SH3D19: variants seen among roughly 807,000 people sequenced by gnomAD.
SH3D19 encodes SH3 domain-containing protein 19.
A neutral mutation model predicts 112.1 loss-of-function variants in SH3D19; 58 were observed. That is an observed-to-expected ratio of 0.52 (90% CI 0.42 to 0.64). The LOEUF is 0.64. Among genes scored for constraint, SH3D19 ranks in the 30% least tolerant of loss-of-function variants. The pLI, the probability that SH3D19 is intolerant of heterozygous loss-of-function variation, is 0.00. For missense variants in SH3D19, 1,090 were observed against 1,263.4 expected (o/e 0.86, Z 2.08); for synonymous variants, 391 against 448.5 (o/e 0.87, Z 1.62).
intron 1 of SH3D19, among the ~76,000 whole-genome samples, chr4:151,229,141 G>T (rs886174159): frequency 2.6e-5 from 4 of 151,686 alleles, no homozygotes; most frequent in African/African-American, 9.7e-5. Flanking sequence ...CAAAGTGTTG[G>T]GATTGCAGGC....
chr4:151,235,627 A>T (rs1487592498), intron 1 of SH3D19, among the ~76,000 whole-genome samples: 7 of 152,054 alleles, frequency 4.6e-5, no homozygotes, highest in African/African-American at 7.2e-5. Flanking sequence ...CTGTACTAAA[A>T]ATACAAAAAT....
intron 1 of SH3D19, among the ~76,000 whole-genome samples, chr4:151,280,391 CA>C (rs1375177283): frequency 1.3e-5 from 2 of 152,130 alleles, no homozygotes; most frequent in Non-Finnish European, 2.9e-5. Context: ...AGATCCTCCC[CA>C]GTAAGATGAC....
Position 151,308,912 on chromosome 4 carries a change from G to A in SH3D19, c.112+16329C>T, listed in dbSNP as rs117943817. On this transcript the variant is annotated intron_variant, in intron 1 of 19. Transcript: ENST00000604030. ...TAGACGTCTTGCTCTGTCACCCACC[G>A]GGACTAGAGTGCGGTGGCGCAATCT... Among the ~76,000 whole-genome samples, 15 of 151,698 alleles carry A rather than the reference G, an allele frequency of 9.9e-5. No individual in the cohort carries two copies. In the East Asian group the frequency reaches 1.5e-3, roughly 16 times the overall value.
chr4:151,151,650 T>C (rs1436546235), intron 9 of SH3D19, among the ~76,000 whole-genome samples: 1 of 152,222 alleles, frequency 6.6e-6, no homozygotes, highest in African/African-American at 2.4e-5. Flanking sequence ...GTTTCACTAA[T>C]GAGTTCAGTT....
At chr4:151,306,228 T>A (rs1728900357) in intron 1 of SH3D19, among the ~76,000 whole-genome samples, 1 of 152,182 alleles carries the variant, frequency 6.6e-6, no homozygotes, top group African/African-American at 2.4e-5. Context: ...ACTACATGTG[T>A]AATAAAATTC....
At position 151,165,616 on chromosome 4, in the gene SH3D19, T is replaced by C. The variant is rs778104406; in HGVS notation, c.1615A>G (p.Ile539Val). ...QPAPTRKPTVIRIPAKPGKCL... is the reference protein window; with the variant it reads ...QPAPTRKPTVVRIPAKPGKCL... Reference sequence around the variant, plus strand: ...TTTCCTGGTTTGGCTGGAATTCGAATTACAGTGGGCTTCCTGGTGGGTGCT... The same window carrying C: ...TTTCCTGGTTTGGCTGGAATTCGAACTACAGTGGGCTTCCTGGTGGGTGCT... Residue 539 changes from isoleucine to valine, a missense_variant, in exon 8 of 20, where the codon ATT becomes GTT. By Grantham distance (29) the Ile-to-Val change is conservative. Coordinates refer to ENST00000604030, the MANE Select transcript of SH3D19 (RefSeq NM_001378122.1). The C allele has an allele frequency of 6.2e-7, 1 of 1,614,086 alleles. No homozygotes were observed. Among genetic ancestry groups the C allele is most frequent in the Non-Finnish European group, 8.5e-7 (1 of 1,179,962 alleles).
intron 2 of SH3D19, among the ~76,000 whole-genome samples, chr4:151,191,603 T>G (rs1030921296): frequency 6.6e-6 from 1 of 152,130 alleles, no homozygotes; most frequent in Non-Finnish European, 1.5e-5. Context: ...AAGCATGATA[T>G]ACCCACTGGG....
intron 1 of SH3D19, among the ~76,000 whole-genome samples, chr4:151,229,939 C>A (rs1434105791): frequency 6.6e-6 from 1 of 152,038 alleles, no homozygotes. Flanking sequence ...AAACAAAAAA[C>A]AAGGCAGAGC....
chr4:151,152,127 A>G (rs1437638330), intron 9 of SH3D19, among the ~76,000 whole-genome samples: 1 of 152,246 alleles, frequency 6.6e-6, no homozygotes, highest in Non-Finnish European at 1.5e-5. Context: ...TGTTAGGCAC[A>G]TTCTGAAAGG....
intron 7 of SH3D19, among the ~76,000 whole-genome samples, chr4:151,167,893 T>C (rs1758370438): frequency 6.6e-6 from 1 of 151,940 alleles, no homozygotes; most frequent in South Asian, 2.1e-4. Flanking sequence ...CTGCCCCGTC[T>C]GGGAAGTGAG....
At chr4:151,247,620 C>G (rs895741018) in intron 1 of SH3D19, among the ~76,000 whole-genome samples, 2 of 152,012 alleles carry the variant, frequency 1.3e-5, no homozygotes, top group African/African-American at 4.8e-5. Flanking sequence ...TAGAACATTC[C>G]CATCACTCTA....
At chr4:151,308,291 G>A (rs1045881052) in intron 1 of SH3D19, among the ~76,000 whole-genome samples, 2 of 152,224 alleles carry the variant, frequency 1.3e-5, no homozygotes, top group African/African-American at 4.8e-5. Context: ...TGAGTTATGA[G>A]GGATATGAAC....
At chr4:151,303,432 A>T (rs1369710478) in intron 1 of SH3D19, among the ~76,000 whole-genome samples, 1 of 152,128 alleles carries the variant, frequency 6.6e-6, no homozygotes, top group Non-Finnish European at 1.5e-5. Flanking sequence ...AAATACCATA[A>T]TATGAGCAAG....
chr4:151,224,047 C>A (rs573872241), intron 2 of SH3D19, among the ~76,000 whole-genome samples: 7 of 152,122 alleles, frequency 4.6e-5, no homozygotes, highest in African/African-American at 1.7e-4. Flanking sequence ...CGGTGGCTCA[C>A]GCCTGTAATC....
chr4:151,197,580 C>T (rs760434190), intron 2 of SH3D19, among the ~76,000 whole-genome samples: 1 of 152,160 alleles, frequency 6.6e-6, no homozygotes, highest in Non-Finnish European at 1.5e-5. Flanking sequence ...TATTTTCAAA[C>T]GAGAGCATAT....
At chr4:151,269,714 C>T (rs1773096692) in intron 1 of SH3D19, among the ~76,000 whole-genome samples, 1 of 152,026 alleles carries the variant, frequency 6.6e-6, no homozygotes, top group Non-Finnish European at 1.5e-5. Context: ...CCTAATAACA[C>T]TTAGCTTAAA....
intron 1 of SH3D19, chr4:151,277,296 T>C: frequency 8.2e-7 from 1 of 1,222,532 alleles, no homozygotes; most frequent in Non-Finnish European, 1.1e-6. Context: ...CATAGAACAA[T>C]GTGACACTTC....
Position 151,127,731 on chromosome 4 carries a change from A to C in SH3D19, c.2930-16T>G, listed in dbSNP as rs767413961. ...TTTGCCTCAGCTGTGAAGACATAAAAAATTTAAATATATAGAAACACAGTG... is the reference window on the plus strand; with the variant it reads ...TTTGCCTCAGCTGTGAAGACATAAACAATTTAAATATATAGAAACACAGTG... On this transcript the variant is annotated splice_polypyrimidine_tract_variant and intron_variant, in intron 18 of 19. Coordinates refer to ENST00000604030, the MANE Select transcript of SH3D19 (RefSeq NM_001378122.1). 1.6e-4 allele frequency: 237 copies of C among 1,493,452 alleles called. No individual in the cohort carries two copies. The highest frequency in any genetic ancestry group is 1.9e-4 in the Non-Finnish European group (213 of 1,103,046). 92.5% of individuals were successfully genotyped at this position (1,493,452 alleles called of 1,614,324 possible).
rs1175377982 is a variant in SH3D19 at position 151,180,401 on chromosome 4, A to AT, written c.194-1005dup. On this transcript the variant is annotated intron_variant, in intron 3 of 19. Coordinates refer to ENST00000604030, the MANE Select transcript of SH3D19 (RefSeq NM_001378122.1). ...TCTAGAACATATCACATATGGGGTCATTTTTTTTTCTTTTTTTTTTTTTTT... is the reference window on the plus strand; with the variant it reads ...TCTAGAACATATCACATATGGGGTCATTTTTTTTTTCTTTTTTTTTTTTTTT... Among the ~76,000 whole-genome samples the AT allele has an allele frequency of 1.2e-3, 150 of 124,690 alleles. 1 individual carries two copies. The highest frequency in any genetic ancestry group is 9.8e-4 in the East Asian group (4 of 4,084). 81.8% of individuals were successfully genotyped at this position (124,690 alleles called of 152,430 possible).
Sources: gnomAD v4.1 joint callset for allele counts (sites outside exome capture counted in the v4.1 genomes callset) on GRCh38, gnomAD v4.1.1 for gene constraint, MANE v1.5 for transcripts, NCBI Gene and HGNC (gene_info 2026-07-23, HGNC 2026-07-21) for gene names.